Variants in SNTG1 observed in about 807,000 individuals in gnomAD.
SNTG1 encodes gamma-1-syntrophin.
A neutral mutation model predicts 74.7 loss-of-function variants in SNTG1; 39 were observed. That is an observed-to-expected ratio of 0.52 (90% confidence interval 0.40 to 0.68). SNTG1 has a LOEUF of 0.68. Among genes scored for constraint, SNTG1 ranks in the 30% least tolerant of loss-of-function variants. The pLI, the probability that SNTG1 is intolerant of heterozygous loss-of-function variation, is 0.00. For missense variants in SNTG1, 685 were observed against 609.5 expected (o/e 1.12, Z -1.30); for synonymous variants, 254 against 217.1 (o/e 1.17, Z -1.49).
At chr8:50,209,300 G>A (rs558111378) in intron 2 of SNTG1, among the ~76,000 whole-genome samples, 2 of 152,324 alleles carry the variant, frequency 1.3e-5, no homozygotes, top group East Asian at 3.9e-4. Context: ...TGGGGGCAGG[G>A]CATAGCTGAA....
At chr8:50,731,606 C>A (rs1488329921) in intron 17 of SNTG1, among the ~76,000 whole-genome samples, 1 of 152,058 alleles carries the variant, frequency 6.6e-6, no homozygotes, top group Non-Finnish European at 1.5e-5. Context: ...GCTTACTCAA[C>A]ACTCTCCTGT....
At chr8:50,128,959 A>T (rs2081230413) in intron 1 of SNTG1, among the ~76,000 whole-genome samples, 1 of 152,118 alleles carries the variant, frequency 6.6e-6, no homozygotes, top group Non-Finnish European at 1.5e-5. Flanking sequence ...GAAATTTCAG[A>T]TCATGAAATT....
rs375825750 is a variant in SNTG1 at position 50,106,298 on chromosome 8, G to C, written c.-102-66263G>C. ...AGTTTTAAATAATCAGATCTCATGA[G>C]AACTCACTCACTATCATGAGAATAA... On this transcript the variant is annotated intron_variant, in intron 1 of 18. Coordinates refer to ENST00000642720, the MANE Select transcript of SNTG1 (RefSeq NM_018967.5). 5.9e-5 allele frequency among the ~76,000 whole-genome samples: 9 copies of C among 152,194 alleles called. No individual in the cohort carries two copies. In the South Asian group the frequency reaches 8.3e-4, roughly 14 times the overall value.
intron 2 of SNTG1, among the ~76,000 whole-genome samples, chr8:50,367,240 T>C (rs890233251): frequency 2.4e-4 from 37 of 152,014 alleles, no homozygotes; most frequent in African/African-American, 8.7e-4. Context: ...CTTTAAATGT[T>C]AGAAATTTGA....
chr8:50,712,583 A>G (rs1401773015), intron 17 of SNTG1, among the ~76,000 whole-genome samples: 1 of 152,064 alleles, frequency 6.6e-6, no homozygotes, highest in Non-Finnish European at 1.5e-5. Flanking sequence ...GGTTTGCTGT[A>G]TCCATCAACC....
At chr8:50,743,491 G>A (rs2095548354) in intron 17 of SNTG1, among the ~76,000 whole-genome samples, 1 of 151,566 alleles carries the variant, frequency 6.6e-6, no homozygotes, top group Non-Finnish European at 1.5e-5. Flanking sequence ...ACTAGGAATA[G>A]AAAGATATTT....
At chr8:50,461,156 GGTGTGTGTGTGTGTGTGTGT>G (rs71233496) in intron 8 of SNTG1, among the ~76,000 whole-genome samples, 15 of 124,174 alleles carry the variant, frequency 1.2e-4, no homozygotes, top group South Asian at 3.1e-4. Flanking sequence ...AGATTTTTCT[GGTGTGTGTGTGTGTGTGTGT>G]GTGTGTGTGT....
intron 4 of SNTG1, among the ~76,000 whole-genome samples, chr8:50,420,705 T>C (rs980653605): frequency 3.3e-5 from 5 of 151,938 alleles, no homozygotes; most frequent in Admixed American, 6.6e-5. Flanking sequence ...TCAATGTATA[T>C]AGAGAAAATA....
At chr8:50,515,391 T>G (rs986035333) in intron 9 of SNTG1, among the ~76,000 whole-genome samples, 5 of 71,838 alleles carry the variant, frequency 7.0e-5, no homozygotes, top group Admixed American at 3.1e-4. Flanking sequence ...GCAGGAGTTT[T>G]TTTTTTTTTT....
chr8:50,223,424 T>G lies in SNTG1; in HGVS notation c.-28+50789T>G, dbSNP rs565744090. ...ATCAAATACACAGATGCAAAGTAAT[T>G]AAATTAAAAATTAGCAACAGGAATC... On this transcript the variant is annotated intron_variant, in intron 2 of 18. Transcript: ENST00000642720. 7.0e-4 allele frequency among the ~76,000 whole-genome samples: 106 copies of G among 152,104 alleles called. 1 individual carries two copies. The highest frequency in any genetic ancestry group is 1.4e-3 in the Non-Finnish European group (95 of 68,000).
At chr8:50,760,629 A>G (rs2095595787) in intron 18 of SNTG1, among the ~76,000 whole-genome samples, 1 of 151,826 alleles carries the variant, frequency 6.6e-6, no homozygotes, top group South Asian at 2.1e-4. Context: ...ACCTCTAGTC[A>G]GACTAATAAA....
At chr8:50,160,910 G>A (rs867581923) in intron 1 of SNTG1, among the ~76,000 whole-genome samples, 1 of 152,170 alleles carries the variant, frequency 6.6e-6, no homozygotes, top group South Asian at 2.1e-4. Flanking sequence ...AAGAAGGATA[G>A]GAGTCTGAGA....
Position 50,708,928 on chromosome 8 carries a change from C to T in SNTG1, c.1234C>T (p.Leu412Phe). ...ACVLESHLMG[L>F]TIDFSTGFIC... ...TGTGCTAGAAAGTCATCTAATGGGA[C>T]TCACAATTGATTTCAGCACAGGATT... The change falls in exon 17 of 19, where the codon CTC becomes TTC. Residue 412 changes from leucine (L) to phenylalanine (F), a missense_variant. Physicochemically the swap from Leu to Phe is conservative, Grantham distance 22 (BLOSUM62 0). Transcript: ENST00000642720. 1.2e-6 allele frequency: 2 copies of T among 1,613,848 alleles called. No homozygotes were observed. Among genetic ancestry groups the T allele is most frequent in the African/African-American group, 2.7e-5 (2 of 75,038 alleles).
chr8:50,692,483 C>T (rs1200870446), intron 15 of SNTG1, among the ~76,000 whole-genome samples: 5 of 152,166 alleles, frequency 3.3e-5, no homozygotes, highest in Non-Finnish European at 5.9e-5. Context: ...GGACCCTTAG[C>T]TGCAGGTCTG....
intron 1 of SNTG1, among the ~76,000 whole-genome samples, chr8:50,045,123 A>T (rs1818967600): frequency 6.6e-6 from 1 of 152,220 alleles, no homozygotes; most frequent in South Asian, 2.1e-4. Context: ...GCTGGAAGTC[A>T]GAAAACGTGG....
chr8:50,475,354 A>C (rs923689541), intron 8 of SNTG1, among the ~76,000 whole-genome samples: 3 of 152,158 alleles, frequency 2.0e-5, no homozygotes, highest in Admixed American at 6.5e-5. Context: ...AAATCACATA[A>C]AAATTCAGAT....
intron 11 of SNTG1, among the ~76,000 whole-genome samples, chr8:50,542,061 A>G (rs3110026): frequency 2.1e-4 from 31 of 146,714 alleles, no homozygotes; most frequent in Admixed American, 9.0e-4. Flanking sequence ...TATATATATG[A>G]ATGTAGTATA....
intron 17 of SNTG1, among the ~76,000 whole-genome samples, chr8:50,727,957 T>C (rs2131611037): frequency 6.6e-6 from 1 of 152,312 alleles, no homozygotes; most frequent in African/African-American, 2.4e-5. Flanking sequence ...TACTGATCTC[T>C]TGGTACAAAG....
At chr8:49,917,198 G>A (rs766089244) in intron 1 of SNTG1, among the ~76,000 whole-genome samples, 5 of 152,052 alleles carry the variant, frequency 3.3e-5, no homozygotes, top group African/African-American at 4.8e-5. Context: ...TGGTTGTGTG[G>A]ACTTGGGTAA....
Sources: gnomAD v4.1 joint callset for allele counts (sites outside exome capture counted in the v4.1 genomes callset) on GRCh38, gnomAD v4.1.1 for gene constraint, MANE v1.5 for transcripts, NCBI Gene and HGNC (gene_info 2026-07-23, HGNC 2026-07-21) for gene names.